UBN1: variants seen among roughly 807,000 people sequenced by gnomAD.
UBN1 encodes the protein ubinuclein-1.
Under a neutral mutation model 108.5 loss-of-function variants are expected in UBN1, and 17 were observed. The ratio of observed to expected loss-of-function variants is 0.16; its 90% CI spans 0.11 to 0.24. The LOEUF (loss-of-function observed/expected upper bound fraction) is 0.24. Among genes scored for constraint, UBN1 ranks in the 10% least tolerant of loss-of-function variants. The probability of loss-of-function intolerance (pLI) is 1.00; values close to 1 mark genes in which losing one functional copy is unlikely to be tolerated. For synonymous variants in UBN1, 726 were observed against 564.2 expected (o/e 1.29, Z -4.07); for missense variants, 1,595 against 1,394.4 (o/e 1.14, Z -2.29).
chr16:4,855,121 G>C, intron 2 of UBN1, among the ~76,000 whole-genome samples: 1 of 152,270 alleles, frequency 6.6e-6, no homozygotes, highest in Admixed American at 6.5e-5. Context: ...GTGGTCTCTA[G>C]CATGTCTCTT....
chr16:4,867,418 G>A (rs529559878), intron 7 of UBN1, among the ~76,000 whole-genome samples: 2 of 152,300 alleles, frequency 1.3e-5, no homozygotes, highest in South Asian at 2.1e-4. Flanking sequence ...TTTTGTATAG[G>A]CAGGTTCCTC....
chr16:4,860,573 A>G (rs751936733), intron 6 of UBN1, 91 bp from the exon 7 acceptor site: 10 of 1,309,004 alleles, frequency 7.6e-6, no homozygotes, highest in Non-Finnish European at 1.0e-5. Flanking sequence ...TCTCCTGGAG[A>G]CCATGACCCT....
At chr16:4,876,676 T>C (rs1455439787) in intron 15 of UBN1, among the ~76,000 whole-genome samples, 195 bp from the exon 16 acceptor site, 1 of 152,184 alleles carries the variant, frequency 6.6e-6, no homozygotes, top group East Asian at 1.9e-4. Context: ...CCATTCCATG[T>C]TGGTTCATAA....
Position 4,859,017 on chromosome 16 carries a change from A to G in UBN1, c.433-8A>G, listed in dbSNP as rs201281597. Reference sequence around the variant, plus strand: ...ACTTGGAGCTGACAGTTTGTTTCCCATCTTCAGTATGATGAGCTTGTTCCT... The same window carrying G: ...ACTTGGAGCTGACAGTTTGTTTCCCGTCTTCAGTATGATGAGCTTGTTCCT... On this transcript the variant is annotated splice_region_variant and splice_polypyrimidine_tract_variant and intron_variant, in intron 4 of 17. Coordinates refer to ENST00000262376, the MANE Select transcript of UBN1 (RefSeq NM_001079514.3). 3 of 1,611,012 alleles carry G rather than the reference A, an allele frequency of 1.9e-6. No homozygotes were observed. Among genetic ancestry groups the G allele is most frequent in the African/African-American group, 1.3e-5 (1 of 74,738 alleles).
chr16:4,855,520 G>C (rs899497689), intron 2 of UBN1, among the ~76,000 whole-genome samples: 1 of 151,310 alleles, frequency 6.6e-6, no homozygotes, highest in African/African-American at 2.4e-5. Flanking sequence ...GAAAGCTGAG[G>C]TGGGAGGATT....
At chr16:4,861,185 C>T (rs1239672254) in intron 7 of UBN1, 83 bp downstream of exon 7, 22 of 1,433,688 alleles carry the variant, frequency 1.5e-5, no homozygotes, top group Non-Finnish European at 1.9e-5. Context: ...GAAGCTTGCC[C>T]AGAGAAACTC....
chr16:4,860,430 A>T (rs2087005278), intron 6 of UBN1, among the ~76,000 whole-genome samples: 1 of 152,180 alleles, frequency 6.6e-6, no homozygotes, highest in Non-Finnish European at 1.5e-5. Context: ...GGTTTCTAAA[A>T]ACCCGTCGGA....
rs920391580 is a variant in UBN1, at chr16:4,877,774, C to T, written c.3355+300C>T. ...GTGCGGTGGAGGAGTTCCTAACCCT[C>T]GGCTTGTTTTTTTCTCTTCAGTTTA... On this transcript the variant is annotated intron_variant, in intron 17 of 17. Coordinates refer to ENST00000262376, the MANE Select transcript of UBN1 (RefSeq NM_001079514.3). This position sits in a 1 kb window ranked among gnomAD's most constrained non-coding sequence, Gnocchi z 4.3. The T allele has an allele frequency of 7.1e-5, 78 of 1,105,626 alleles. 1 individual carries two copies. The African/African-American group carries it at 1.0e-3, about 15-fold the overall frequency. The allele number at this position is 1,105,626 out of a possible 1,614,324, so 68.5% of individuals were successfully genotyped here.
In UBN1 at chr16:4,858,046, G is replaced by C; in HGVS notation, c.306G>C (p.Glu102Asp). Residue 102 changes from glutamate to aspartate, a missense_variant, in exon 3 of 18, where the codon GAG becomes GAC. By Grantham distance (45) the Glu-to-Asp change is conservative (BLOSUM62 2). Transcript: ENST00000262376. ...NDEEKERHKV[E>D]ALARKFEEKY... ...AAGAAAAGGAAAGGCATAAAGTAGAGGCCCTTGCCCGAAAATTTGAAGAAA... is the reference window on the plus strand; with the variant it reads ...AAGAAAAGGAAAGGCATAAAGTAGACGCCCTTGCCCGAAAATTTGAAGAAA... 1.9e-6 allele frequency: 3 copies of C among 1,613,466 alleles called. No individual in the cohort carries two copies. Among genetic ancestry groups the C allele is most frequent in the Non-Finnish European group, 2.5e-6 (3 of 1,179,810 alleles).
chr16:4,853,275 C>T (rs1021144164), intron 2 of UBN1, 109 bp downstream of exon 2: 2 of 1,432,332 alleles, frequency 1.4e-6, no homozygotes, highest in Non-Finnish European at 1.9e-6. Flanking sequence ...GTTTTGGCTG[C>T]CCCAAGATCC....
At chr16:4,873,922 C>T (rs1315224094) in intron 14 of UBN1, among the ~76,000 whole-genome samples, 1 of 152,214 alleles carries the variant, frequency 6.6e-6, no homozygotes, top group Non-Finnish European at 1.5e-5. Context: ...AGAGTCTTAA[C>T]GCTTTTCAAA....
chr16:4,875,295 A>G lies in UBN1; in HGVS notation c.2885A>G (p.Gln962Arg), dbSNP rs1289060624. Residue 962 changes from glutamine to arginine, a missense_variant, in exon 15 of 18, where the codon CAG (glutamine) becomes CGG (arginine). Coordinates refer to ENST00000262376, the MANE Select transcript of UBN1 (RefSeq NM_001079514.3). The part of the protein sequence containing the change: ...SSAGKKMPVS[Q>R]KLTLVAPPGG... ...GCAGGGAAAAAAATGCCTGTTTCCC[A>G]GAAGTTGACTCTGGTAGCCCCTCCA... 2.5e-6 allele frequency: 4 copies of G among 1,614,250 alleles called. No individual in the cohort carries two copies. Among genetic ancestry groups the G allele is most frequent in the Non-Finnish European group, 3.4e-6 (4 of 1,180,050 alleles).
At chr16:4,874,090 T>G in intron 14 of UBN1, 121 bp from the exon 15 acceptor site, 1 of 1,267,108 alleles carries the variant, frequency 7.9e-7, no homozygotes, top group Non-Finnish European at 1.1e-6. Flanking sequence ...ACCACTTGTC[T>G]TGTAATTATA....
chr16:4,857,942 C>T (rs752020382), intron 2 of UBN1, 48 bp from the exon 3 acceptor site: 4 of 1,384,636 alleles, frequency 2.9e-6, no homozygotes, highest in Non-Finnish European at 4.1e-6. Context: ...TGAATAAGAA[C>T]ATGGGAATAT....
rs748008133 is a variant in UBN1 at position 4,870,861 on chromosome 16, A to C, written c.1448A>C (p.Lys483Thr). ...CCCCGTAGGATGCTGGAAGAGGAGA[A>C]AGACAAGGAGCAGAGGGACCGGATT... ...AKVAKMLEEE[K>T]DKEQRDRICS... is the part of the protein sequence containing the mutation. The change falls in exon 11 of 18, where the codon AAA becomes ACA. Residue 483 changes from lysine (K) to threonine (T), a missense_variant. By Grantham distance (78) the Lys-to-Thr change is moderately conservative (BLOSUM62 -1). Transcript: ENST00000262376. 6.2e-7 allele frequency: 1 copy of C among 1,613,934 alleles called. No homozygotes were observed. Among genetic ancestry groups the C allele is most frequent in the East Asian group, 2.2e-5 (1 of 44,860 alleles).
chr16:4,858,841 G>A (rs2086923351), intron 4 of UBN1, 178 bp downstream of exon 4: 3 of 971,662 alleles, frequency 3.1e-6, no homozygotes, highest in Non-Finnish European at 4.7e-6. Context: ...TCCCTCTTCA[G>A]AAAGTGATGA....
At position 4,872,907 on chromosome 16, in the gene UBN1, G is replaced by A; in HGVS notation, c.1730G>A (p.Arg577Gln). 6 of 1,614,180 alleles carry A rather than the reference G, an allele frequency of 3.7e-6. No individual in the cohort carries two copies. The highest frequency in any genetic ancestry group is 5.1e-6 in the Non-Finnish European group (6 of 1,180,020). Residue 577 changes from arginine to glutamine, a missense_variant, in exon 13 of 18, where the codon CGA becomes CAA. Transcript: ENST00000262376. ...AGAACTCTGTTTAAGGAGAGCAGACGAGGCCATGGGCACCTGACTTCAATC... is the reference window on the plus strand; with the variant it reads ...AGAACTCTGTTTAAGGAGAGCAGACAAGGCCATGGGCACCTGACTTCAATC... ...QARTLFKESR[R>Q]GHGHLTSILA... is the part of the protein sequence containing the mutation.
At chr16:4,849,246 C>G (rs79392591) in intron 1 of UBN1, among the ~76,000 whole-genome samples, 19,742 of 152,194 alleles carry the variant, frequency 0.13, 1,478 homozygotes, top group South Asian at 0.26. Flanking sequence ...AAAGTTCTAG[C>G]CAGTGCAGTA....
At chr16:4,861,195 C>G (rs1320542985) in intron 7 of UBN1, 93 bp downstream of exon 7, 7 of 1,359,470 alleles carry the variant, frequency 5.1e-6, no homozygotes, top group Non-Finnish European at 6.9e-6. Context: ...CAGAGAAACT[C>G]TTAGTGAGTT....
Sources: gnomAD v4.1 joint callset for allele counts (sites outside exome capture counted in the v4.1 genomes callset) on GRCh38, gnomAD v4.1.1 for gene constraint, Gnocchi (gnomAD v3.1) non-coding constraint, MANE v1.5 for transcripts, NCBI Gene and HGNC (gene_info 2026-07-23, HGNC 2026-07-21) for gene names.